Variants in CADM2 observed in about 807,000 individuals in gnomAD.
The protein encoded by CADM2 is cell adhesion molecule 2, also known as immunoglobulin superfamily member 4D.
CADM2 carries 12 observed loss-of-function variants against 49.8 expected under a neutral mutation model. The observed-to-expected ratio is 0.24, with a 90% confidence interval of 0.15 to 0.39. CADM2 has a LOEUF of 0.39. CADM2 is among the 10% of genes least tolerant of loss of function. The probability of loss-of-function intolerance (pLI) is 1.00; values close to 1 mark genes in which losing one functional copy is unlikely to be tolerated. For missense variants in CADM2, 378 were observed against 492.3 expected, an observed-to-expected ratio of 0.77 and a Z score of 2.20; for synonymous variants, 214 against 175.4, an observed-to-expected ratio of 1.22 and a Z score of -1.74.
chr3:85,912,056 G>T (rs1717674341), intron 5 of CADM2, among the ~76,000 whole-genome samples: 2 of 151,558 alleles, frequency 1.3e-5, no homozygotes, highest in South Asian at 4.2e-4. Flanking sequence ...CCATTCTCCT[G>T]CCTCAGCCTC....
chr3:85,409,711 T>C (rs1030721), intron 1 of CADM2, among the ~76,000 whole-genome samples: 38,038 of 151,938 alleles, frequency 0.25, 4,939 homozygotes, highest in South Asian at 0.34. Flanking sequence ...GGATTAAAGA[T>C]GATAAAGTCA....
rs567749082 is a variant in CADM2, at chr3:85,463,527, T to C, written c.62-262995T>C. Among the ~76,000 whole-genome samples, 12 of 152,294 alleles carry C rather than the reference T, an allele frequency of 7.9e-5. 1 individual carries two copies. Among genetic ancestry groups the C allele is most frequent in the African/African-American group, 2.6e-4 (11 of 41,582 alleles). ...TGCTTTCAGCCTCAGTGAATTCATA[T>C]TATCTTAGTGTCCTATATTTTTAAA... On this transcript the variant is annotated intron_variant, in intron 1 of 9. Transcript: ENST00000383699.
chr3:85,215,618 C>T (rs886406131), intron 1 of CADM2, among the ~76,000 whole-genome samples: 11 of 152,096 alleles, frequency 7.2e-5, no homozygotes, highest in Non-Finnish European at 1.5e-4. Flanking sequence ...CCCCTAGTCC[C>T]CTGGATTTGA....
intron 1 of CADM2, among the ~76,000 whole-genome samples, chr3:85,299,646 A>G (rs981255988): frequency 1.3e-5 from 2 of 151,976 alleles, no homozygotes; most frequent in Admixed American, 6.6e-5. Flanking sequence ...TGCAGCCCAT[A>G]TTACTTCAGA....
At chr3:85,031,249 A>G (rs1053128137) in intron 1 of CADM2, among the ~76,000 whole-genome samples, 1 of 152,204 alleles carries the variant, frequency 6.6e-6, no homozygotes, top group Non-Finnish European at 1.5e-5. Context: ...ATTTAACTCA[A>G]CAGGCAGTCA....
chr3:85,618,695 A>G (rs996305282), intron 1 of CADM2, among the ~76,000 whole-genome samples: 1 of 152,106 alleles, frequency 6.6e-6, no homozygotes, highest in Non-Finnish European at 1.5e-5. Context: ...TATACTATTA[A>G]GTACACAGAT....
At chr3:85,947,432 T>C (rs1722869978) in intron 7 of CADM2, among the ~76,000 whole-genome samples, 2 of 151,356 alleles carry the variant, frequency 1.3e-5, no homozygotes, top group East Asian at 1.9e-4. Flanking sequence ...TTCTGATATA[T>C]AGAGAAATGC....
At chr3:85,922,743 A>G (rs1719295295) in intron 6 of CADM2, among the ~76,000 whole-genome samples, 1 of 152,148 alleles carries the variant, frequency 6.6e-6, no homozygotes, top group African/African-American at 2.4e-5. Flanking sequence ...AGAATACAAT[A>G]TCTTTATTCC....
intron 1 of CADM2, among the ~76,000 whole-genome samples, chr3:85,514,869 G>A (rs1576694308): frequency 6.6e-6 from 1 of 151,952 alleles, no homozygotes; most frequent in Admixed American, 6.6e-5. Flanking sequence ...GTTTTAGGGG[G>A]TTTCATCCAG....
chr3:85,243,997 A>G lies in CADM2; in HGVS notation c.61+284329A>G, dbSNP rs186550952. On this transcript the variant is annotated intron_variant, in intron 1 of 9. Transcript: ENST00000383699. ...TGTAGCCCAACCCCCAAAGATTTAT[A>G]GAAAAACTGCTGTAACAACTGAATA... Among the ~76,000 whole-genome samples the G allele has an allele frequency of 3.9e-4, 60 of 152,254 alleles. 1 individual carries two copies. Among genetic ancestry groups the G allele is most frequent in the Non-Finnish European group, 5.9e-5 (4 of 67,992 alleles).
intron 6 of CADM2, among the ~76,000 whole-genome samples, chr3:85,931,112 C>G (rs1034220701): frequency 1.3e-5 from 2 of 152,046 alleles, no homozygotes; most frequent in Non-Finnish European, 2.9e-5. Context: ...GTAGCTCACA[C>G]CTGTAATCCC....
At chr3:85,313,184 A>C (rs2044387675) in intron 1 of CADM2, among the ~76,000 whole-genome samples, 1 of 152,210 alleles carries the variant, frequency 6.6e-6, no homozygotes, top group Non-Finnish European at 1.5e-5. Flanking sequence ...CTATCAGGGA[A>C]GCTTCTAATA....
intron 1 of CADM2, among the ~76,000 whole-genome samples, chr3:85,623,601 G>A (rs2064036970): frequency 6.6e-6 from 1 of 152,112 alleles, no homozygotes; most frequent in South Asian, 2.1e-4. Flanking sequence ...CAGAGAGCAA[G>A]TGTTATAATT....
At chr3:85,804,533 C>A (rs1219437293) in intron 3 of CADM2, among the ~76,000 whole-genome samples, 1 of 152,210 alleles carries the variant, frequency 6.6e-6, no homozygotes, top group African/African-American at 2.4e-5. Context: ...CACTTTATAA[C>A]AACACTTGTA....
chr3:85,036,517 C>T (rs1406189932), intron 1 of CADM2, among the ~76,000 whole-genome samples: 1 of 151,948 alleles, frequency 6.6e-6, no homozygotes, highest in African/African-American at 2.4e-5. Flanking sequence ...TTTCTACCCA[C>T]TCAGGAGACT....
chr3:85,801,999 C>CCTT, intron 2 of CADM2, 48 bp from the exon 3 acceptor site: 1 of 1,360,454 alleles, frequency 7.4e-7, no homozygotes, highest in South Asian at 1.8e-5. Flanking sequence ...GGCAGTTAAT[C>CCTT]ATTTTATGAC....
At chr3:85,557,241 T>TTATGTGTA (rs1366132452) in intron 1 of CADM2, among the ~76,000 whole-genome samples, 2 of 151,958 alleles carry the variant, frequency 1.3e-5, no homozygotes, top group African/African-American at 4.8e-5. Flanking sequence ...ACACATATAT[T>TTATGTGTA]TATGTGTATG....
At chr3:85,144,056 T>C (rs1001780955) in intron 1 of CADM2, among the ~76,000 whole-genome samples, 1 of 152,108 alleles carries the variant, frequency 6.6e-6, no homozygotes, top group African/African-American at 2.4e-5. Context: ...GCACTGTTTG[T>C]TCCTTAGATA....
intron 1 of CADM2, among the ~76,000 whole-genome samples, chr3:85,515,626 T>G (rs867428428): frequency 6.1e-5 from 7 of 115,460 alleles, no homozygotes; most frequent in African/African-American, 2.5e-4. Flanking sequence ...TATATATATA[T>G]ATATATTTTT....
Sources: allele counts gnomAD v4.1 joint callset (sites outside exome capture counted in the v4.1 genomes callset), GRCh38; gene constraint gnomAD v4.1.1; transcripts MANE v1.5; gene names NCBI Gene and HGNC (gene_info 2026-07-23, HGNC 2026-07-21).